AGA: variants seen among roughly 807,000 people sequenced by gnomAD.
The protein encoded by AGA is N(4)-(beta-N-acetylglucosaminyl)-L-asparaginase.
In AGA, 31 loss-of-function variants were observed where a neutral mutation model predicts 40.1. That is an observed-to-expected ratio of 0.77 (90% CI 0.58 to 1.04). AGA has a LOEUF of 1.04. AGA is among the 50% of genes least tolerant of loss of function. The pLI, the probability that AGA is intolerant of heterozygous loss-of-function variation, is 0.00. For synonymous variants in AGA, 148 were observed against 144.0 expected (o/e 1.03, Z -0.20); for missense variants, 445 against 435.4 (o/e 1.02, Z -0.20).
intron 7 of AGA, among the ~76,000 whole-genome samples, chr4:177,434,154 C>T (rs1234424561): frequency 1.3e-5 from 2 of 151,904 alleles, no homozygotes; most frequent in Admixed American, 1.3e-4. Flanking sequence ...CCACCATGCC[C>T]AGCTAAATTT....
rs530298258 is a variant in AGA at position 177,438,861 on chromosome 4, G to C, written c.395-4C>G. The C allele has an allele frequency of 6.5e-7, 1 of 1,529,360 alleles. No individual in the cohort carries two copies. The highest frequency in any genetic ancestry group is 9.1e-7 in the Non-Finnish European group (1 of 1,102,520). The allele number at this position is 1,529,360 out of a possible 1,614,324, so 94.7% of individuals were successfully genotyped here. A position where few individuals can be genotyped will look rare whatever the true frequency, so the allele number is the denominator to read the frequency against. On this transcript the variant is annotated splice_polypyrimidine_tract_variant and splice_region_variant and intron_variant, in intron 3 of 8. Coordinates refer to ENST00000264595, the MANE Select transcript of AGA (RefSeq NM_000027.4). ...ATACTTTGAGCAAATGTGGTGGCTG[G>C]AGATTGGAAAAAAGGAAAGTATAAA...
intron 1 of AGA, among the ~76,000 whole-genome samples, chr4:177,440,669 T>C (rs1211244444): frequency 6.6e-6 from 1 of 151,430 alleles, no homozygotes; most frequent in Admixed American, 6.6e-5. Context: ...TTTTTTCACT[T>C]ACTAATATCT....
rs371130120 is a variant in AGA at position 177,442,286 on chromosome 4, G to A, written c.90C>T (p.Val30=). ...CATTCTTAAAGGGCCAAGTGTTGACGACCAGGGGCAGAGGGCTGGAGCAGC... is the reference window on the plus strand; with the variant it reads ...CATTCTTAAAGGGCCAAGTGTTGACAACCAGGGGCAGAGGGCTGGAGCAGC... ...LVRCSSPLPL[V]VNTWPFKNAT... Residue 30 remains valine (V), a synonymous_variant, in exon 1 of 9, where the codon GTC becomes GTT. Transcript: ENST00000264595. The A allele has an allele frequency of 1.7e-5, 28 of 1,614,048 alleles. No homozygotes were observed. Among genetic ancestry groups the A allele is most frequent in the Non-Finnish European group, 2.4e-5 (28 of 1,179,950 alleles).
In AGA at chr4:177,434,501, T is replaced by C. The variant is rs1222852117; in HGVS notation, c.699-12A>G. 6.2e-7 allele frequency: 1 copy of C among 1,609,972 alleles called. No individual in the cohort carries two copies. ...AGTCTCCTACACGGCTTTGAGAGGGTATTAACAATTTACGGCAGGAAATCG... is the reference window on the plus strand; with the variant it reads ...AGTCTCCTACACGGCTTTGAGAGGGCATTAACAATTTACGGCAGGAAATCG... On this transcript the variant is annotated splice_polypyrimidine_tract_variant and intron_variant, in intron 6 of 8. Transcript: ENST00000264595.
intron 7 of AGA, 94 bp from the exon 8 acceptor site, chr4:177,433,441 G>T (rs561083062): frequency 1.4e-6 from 2 of 1,453,086 alleles, no homozygotes; most frequent in Non-Finnish European, 1.9e-6. Context: ...CACCAAAATT[G>T]CCACATGTGA....
chr4:177,442,192 C>A, intron 1 of AGA, 57 bp downstream of exon 1: 1 of 1,605,988 alleles, frequency 6.2e-7, no homozygotes, highest in South Asian at 1.1e-5. Context: ...GCGGGCTAGT[C>A]ATCCCCACCC....
At chr4:177,442,225 C>T in intron 1 of AGA, 24 bp downstream of exon 1, 2 of 1,612,482 alleles carry the variant, frequency 1.2e-6, no homozygotes, top group Non-Finnish European at 8.5e-7. Flanking sequence ...GGCGCAGCCG[C>T]CCGCCCAGGC....
chr4:177,437,896 T>C, intron 4 of AGA, among the ~76,000 whole-genome samples: 1 of 152,188 alleles, frequency 6.6e-6, no homozygotes, highest in East Asian at 1.9e-4. Flanking sequence ...ATTTGTTCCT[T>C]GGCCAAAGAA....
rs1736722554 is a variant in AGA at position 177,434,255 on chromosome 4, A to G, written c.806+127T>C. ...TGACCTCAGGTGATCCACCTGCCTC[A>G]GTCTCCCAAAATGCTAGGATTACAG... On this transcript the variant is annotated intron_variant, in intron 7 of 8. Transcript: ENST00000264595. 1.7e-5 allele frequency: 14 copies of G among 846,704 alleles called. No individual in the cohort carries two copies. The South Asian group carries it at 1.8e-4, about 11-fold the overall frequency. The allele number at this position is 846,704 out of a possible 1,614,324, so 52.4% of individuals were successfully genotyped here. A position where few individuals can be genotyped will look rare whatever the true frequency, so the allele number is the denominator to read the frequency against.
chr4:177,438,325 G>A lies in AGA; in HGVS notation c.507+420C>T, dbSNP rs1736888234. On this transcript the variant is annotated intron_variant, in intron 4 of 8. Transcript: ENST00000264595. The stretch of plus-strand genomic sequence containing the variant: ...TCATTAAAGAAAAATTATTCCACTG[G>A]TAACATACTAGACATGTAATATTAC... 2.0e-5 allele frequency among the ~76,000 whole-genome samples: 3 copies of A among 152,168 alleles called. No homozygotes were observed. In the South Asian group the frequency reaches 6.2e-4, roughly 32 times the overall value.
intron 4 of AGA, 141 bp downstream of exon 4, chr4:177,438,604 G>C (rs1446452972): frequency 5.8e-6 from 4 of 689,292 alleles, no homozygotes; most frequent in Non-Finnish European, 1.1e-5. Context: ...CATACCTGGA[G>C]AGTCAACTAA....
Position 177,441,496 on chromosome 4 carries a change from T to C in AGA, c.127+753A>G, listed in dbSNP as rs566079239. On this transcript the variant is annotated intron_variant, in intron 1 of 8. Coordinates refer to ENST00000264595, the MANE Select transcript of AGA (RefSeq NM_000027.4). ...CAAGATAATGGTACGTAAAGGCTATTAACAAGGTGTAGAAGGCAGGAACCT... is the reference window on the plus strand; with the variant it reads ...CAAGATAATGGTACGTAAAGGCTATCAACAAGGTGTAGAAGGCAGGAACCT... Among the ~76,000 whole-genome samples, 11 of 152,298 alleles carry C rather than the reference T, an allele frequency of 7.2e-5. No individual in the cohort carries two copies. In the South Asian group the frequency reaches 2.3e-3, roughly 32 times the overall value.
chr4:177,441,469 G>C (rs62342662), intron 1 of AGA, among the ~76,000 whole-genome samples: 15,241 of 152,182 alleles, frequency 0.1, 832 homozygotes, highest in Non-Finnish European at 0.12. Flanking sequence ...ATGCGAAAAT[G>C]CCAAGATAAT....
intron 6 of AGA, 90 bp from the exon 7 acceptor site, chr4:177,434,579 T>C: frequency 9.9e-7 from 1 of 1,014,440 alleles, no homozygotes; most frequent in South Asian, 1.3e-5. Flanking sequence ...TAGTTCCACT[T>C]AGCCTCTGAT....
rs755284431 is a variant in AGA at position 177,439,561 on chromosome 4, T to C, written c.394+15A>G. On this transcript the variant is annotated intron_variant, in intron 3 of 8. Transcript: ENST00000264595. Reference sequence around the variant, plus strand: ...CAAAAGACTAGAAAAAATTTCAGTGTAGTTAAAAAAATACCTGACTCTCCT... The same window carrying C: ...CAAAAGACTAGAAAAAATTTCAGTGCAGTTAAAAAAATACCTGACTCTCCT... 2.5e-6 allele frequency: 4 copies of C among 1,570,244 alleles called. No homozygotes were observed.
rs1463933379 is a variant in AGA at position 177,442,287 on chromosome 4, A to AC, written c.88dup (p.Val30GlyfsTer8). Reference sequence around the variant, plus strand: ...ATTCTTAAAGGGCCAAGTGTTGACGACCAGGGGCAGAGGGCTGGAGCAGCG... The same window carrying AC: ...ATTCTTAAAGGGCCAAGTGTTGACGACCCAGGGGCAGAGGGCTGGAGCAGCG... On this transcript the variant is annotated frameshift_variant, in exon 1 of 9. Coordinates refer to ENST00000264595, the MANE Select transcript of AGA (RefSeq NM_000027.4). LOFTEE classifies it high-confidence loss of function. 6.2e-7 allele frequency: 1 copy of AC among 1,613,930 alleles called. No individual in the cohort carries two copies. Among genetic ancestry groups the AC allele is most frequent in the African/African-American group, 1.3e-5 (1 of 74,926 alleles).
chr4:177,436,382 G>A, intron 5 of AGA, 31 bp from the exon 6 acceptor site: 1 of 1,556,748 alleles, frequency 6.4e-7, no homozygotes, highest in Non-Finnish European at 8.8e-7. Context: ...ATCACTGTAG[G>A]TGTATAAAGT....
chr4:177,437,356 G>A lies in AGA; in HGVS notation c.622+49C>T, dbSNP rs371603692. 4.4e-5 allele frequency: 56 copies of A among 1,266,970 alleles called. 1 individual carries two copies. The highest frequency in any genetic ancestry group is 6.9e-6 in the Non-Finnish European group (6 of 866,288). 78.5% of individuals were successfully genotyped at this position (1,266,970 alleles called of 1,614,324 possible). On this transcript the variant is annotated intron_variant, in intron 5 of 8. Coordinates refer to ENST00000264595, the MANE Select transcript of AGA (RefSeq NM_000027.4). Reference sequence around the variant, plus strand: ...GAAGAATAGGGAAGAGCTACAGGAAGATAATTAACTAAACTTTATCCATAA... The same window carrying A: ...GAAGAATAGGGAAGAGCTACAGGAAAATAATTAACTAAACTTTATCCATAA...
At chr4:177,438,244 G>C (rs1282878258) in intron 4 of AGA, among the ~76,000 whole-genome samples, 2 of 152,096 alleles carry the variant, frequency 1.3e-5, no homozygotes, top group African/African-American at 2.4e-5. Context: ...GAGAGACTAA[G>C]ATATCCCACA....
Sources: allele counts gnomAD v4.1 joint callset (sites outside exome capture counted in the v4.1 genomes callset), GRCh38; gene constraint gnomAD v4.1.1; transcripts MANE v1.5; gene names NCBI Gene and HGNC (gene_info 2026-07-23, HGNC 2026-07-21).